Variants in PARD3B observed in about 807,000 individuals in gnomAD.
The protein encoded by PARD3B is partitioning defective 3 homolog B.
Under a neutral mutation model 130.2 loss-of-function variants are expected in PARD3B, and 103 were observed. That is an observed-to-expected ratio of 0.79 (90% CI 0.67 to 0.93). The LOEUF is 0.93. Ranked by LOEUF, PARD3B falls within the 40% of genes least tolerant of loss-of-function variation. The pLI is 0.00. For synonymous variants in PARD3B, 583 were observed against 553.2 expected, an observed-to-expected ratio of 1.05 and a Z score of -0.76; for missense variants, 1,609 against 1,499.2, an observed-to-expected ratio of 1.07 and a Z score of -1.21.
chr2:204,904,597 G>A (rs2125711899), intron 2 of PARD3B, among the ~76,000 whole-genome samples: 1 of 152,000 alleles, frequency 6.6e-6, no homozygotes. Flanking sequence ...ACATCTTGTA[G>A]TTGAGAAGCA....
chr2:205,436,973 C>T (rs1442041231), intron 19 of PARD3B, among the ~76,000 whole-genome samples: 1 of 152,070 alleles, frequency 6.6e-6, no homozygotes, highest in Non-Finnish European at 1.5e-5. Context: ...GCCTCTCCTC[C>T]ATTCTGAAGC....
chr2:204,833,737 G>C (rs540315042), intron 2 of PARD3B, among the ~76,000 whole-genome samples: 223 of 152,280 alleles, frequency 1.5e-3, no homozygotes, highest in African/African-American at 5.1e-3. Context: ...CAGCCACGTG[G>C]AACTGTGAGT....
intron 19 of PARD3B, among the ~76,000 whole-genome samples, chr2:205,428,121 A>T (rs1238791679): frequency 6.6e-6 from 1 of 151,954 alleles, no homozygotes; most frequent in Non-Finnish European, 1.5e-5. Flanking sequence ...TGTGGCTCAC[A>T]CCTGTAATCC....
Position 205,351,590 on chromosome 2 carries a change from G to A in PARD3B, c.2631-49423G>A, listed in dbSNP as rs1178493800. ...AAGAATCCAGCTGACCAAATAAGAA[G>A]GCCCATGGGCAGGGAGCAGCTGGGC... On this transcript the variant is annotated intron_variant, in intron 18 of 22. Transcript: ENST00000406610. The surrounding 1 kb of genome is among the most constrained non-coding windows in gnomAD (Gnocchi z 4.2). Among the ~76,000 whole-genome samples the A allele has an allele frequency of 2.6e-5, 4 of 152,158 alleles. No homozygotes were observed. Among genetic ancestry groups the A allele is most frequent in the Non-Finnish European group, 5.9e-5 (4 of 68,032 alleles).
intron 4 of PARD3B, among the ~76,000 whole-genome samples, chr2:205,057,523 G>A (rs1285278294): frequency 6.9e-6 from 1 of 144,024 alleles, no homozygotes; most frequent in African/African-American, 2.6e-5. Flanking sequence ...ATGTGCATGT[G>A]TATATATACA....
intron 18 of PARD3B, among the ~76,000 whole-genome samples, chr2:205,365,235 G>A (rs1007574682): frequency 6.6e-6 from 1 of 151,554 alleles, no homozygotes; most frequent in African/African-American, 2.4e-5. Flanking sequence ...GGCATGGTAT[G>A]GTGGCAGGCG....
In PARD3B at chr2:205,263,714, T is replaced by A. The variant is rs2040402727; in HGVS notation, c.2185+17892T>A. On this transcript the variant is annotated intron_variant, in intron 16 of 22. Coordinates refer to ENST00000406610, the MANE Select transcript of PARD3B (RefSeq NM_001302769.2). The surrounding 1 kb of genome is among the most constrained non-coding windows in gnomAD (Gnocchi z 4.0). The stretch of plus-strand genomic sequence containing the variant: ...AGGAAGTACAAAAAAATCAACAAAT[T>A]AGATCTTCTGAAAATTAAAAATGTT... Among the ~76,000 whole-genome samples the A allele has an allele frequency of 6.6e-6, 1 of 150,936 alleles. No individual in the cohort carries two copies.
intron 2 of PARD3B, among the ~76,000 whole-genome samples, chr2:204,941,842 G>A (rs62173481): frequency 0.037 from 4,689 of 126,312 alleles, 97 homozygotes; most frequent in African/African-American, 0.064. Context: ...GAGTGTGTGT[G>A]TATATATATA....
At position 205,421,770 on chromosome 2, in the gene PARD3B, T is replaced by C. The variant is rs2106095374; in HGVS notation, c.2742-18600T>C. ...ACTGAGCTAGAGTCAAGATGTCAAC[T>C]GAGCTGATTCCTTTTGCAGACTCAT... On this transcript the variant is annotated intron_variant, in intron 19 of 22. Transcript: ENST00000406610. The surrounding 1 kb of genome is among the most constrained non-coding windows in gnomAD (Gnocchi z 5.1). Among the ~76,000 whole-genome samples the C allele has an allele frequency of 6.6e-6, 1 of 152,350 alleles. No homozygotes were observed. The highest frequency in any genetic ancestry group is 2.4e-5 in the African/African-American group (1 of 41,598).
chr2:205,365,553 T>TTTTTA (rs1273634908), intron 18 of PARD3B, among the ~76,000 whole-genome samples: 1 of 148,418 alleles, frequency 6.7e-6, no homozygotes, highest in African/African-American at 2.5e-5. Context: ...ACCTTCCTTT[T>TTTTTA]TTTTTTTTTT....
chr2:204,720,245 C>T (rs183111847), intron 2 of PARD3B, among the ~76,000 whole-genome samples: 38 of 152,178 alleles, frequency 2.5e-4, no homozygotes, highest in Middle Eastern at 3.4e-3. Context: ...TGCTTGGTAA[C>T]GGATAGAAGC....
intron 4 of PARD3B, among the ~76,000 whole-genome samples, chr2:205,083,573 C>T (rs931996505): frequency 2.0e-5 from 3 of 151,204 alleles, no homozygotes; most frequent in Non-Finnish European, 4.4e-5. Flanking sequence ...GTTTATCAGT[C>T]TTACCATTGA....
chr2:205,097,856 T>A (rs1702494568), intron 4 of PARD3B, among the ~76,000 whole-genome samples: 1 of 128,846 alleles, frequency 7.8e-6, no homozygotes, highest in Non-Finnish European at 1.7e-5. Flanking sequence ...TGTGTGTGTG[T>A]GTAGTAAATT....
At chr2:205,415,210 C>A (rs1185169664) in intron 19 of PARD3B, among the ~76,000 whole-genome samples, 2 of 151,970 alleles carry the variant, frequency 1.3e-5, no homozygotes, top group Admixed American at 6.6e-5. Flanking sequence ...CAATATTAAA[C>A]CCAAATTGAA....
intron 22 of PARD3B, among the ~76,000 whole-genome samples, chr2:205,582,259 T>C (rs2106573229): frequency 6.6e-6 from 1 of 152,320 alleles, no homozygotes; most frequent in East Asian, 1.9e-4. Context: ...GGGCATTCTC[T>C]ACAGTTAATA....
intron 2 of PARD3B, among the ~76,000 whole-genome samples, chr2:204,716,799 T>C (rs2038752935): frequency 6.6e-6 from 1 of 151,872 alleles, no homozygotes. Flanking sequence ...ATTTTTTGTA[T>C]TTTTAGTAGA....
At chr2:205,270,958 C>T (rs1374062339) in intron 16 of PARD3B, among the ~76,000 whole-genome samples, 7 of 152,128 alleles carry the variant, frequency 4.6e-5, no homozygotes, top group African/African-American at 1.4e-4. Flanking sequence ...CGGATTTTCT[C>T]GCCTCTCCTC....
At chr2:205,266,517 G>A (rs1299648408) in intron 16 of PARD3B, among the ~76,000 whole-genome samples, 1 of 152,084 alleles carries the variant, frequency 6.6e-6, no homozygotes, top group Non-Finnish European at 1.5e-5. Context: ...CAGATATATA[G>A]TTTTGAGAGA....
chr2:204,965,432 G>A (rs374239077), intron 3 of PARD3B, 109 bp downstream of exon 3: 8 of 1,178,896 alleles, frequency 6.8e-6, no homozygotes, highest in Middle Eastern at 2.5e-4. Flanking sequence ...ATTTTATATC[G>A]TGGTTTATCT....
Sources: gnomAD v4.1 joint callset for allele counts (sites outside exome capture counted in the v4.1 genomes callset) on GRCh38, gnomAD v4.1.1 for gene constraint, Gnocchi (gnomAD v3.1) non-coding constraint, MANE v1.5 for transcripts, NCBI Gene and HGNC (gene_info 2026-07-23, HGNC 2026-07-21) for gene names.